GREB1: variants seen among roughly 807,000 people sequenced by gnomAD.
GREB1 encodes growth regulating estrogen receptor binding 1.
In GREB1, 106 loss-of-function variants were observed where a neutral mutation model predicts 200.7. The ratio of observed to expected loss-of-function variants is 0.53; its 90% CI spans 0.45 to 0.62. The LOEUF is 0.62. Among genes scored for constraint, GREB1 ranks in the 20% least tolerant of loss-of-function variants. The probability of loss-of-function intolerance (pLI) is 0.00; values close to 1 mark genes in which losing one functional copy is unlikely to be tolerated. For missense variants in GREB1, 2,243 were observed against 2,556.8 expected, an observed-to-expected ratio of 0.88 and a Z score of 2.65; for synonymous variants, 1,132 against 1,092.4, an observed-to-expected ratio of 1.04 and a Z score of -0.72.
At chr2:11,504,205 G>A (rs1046745758) in intron 1 of GREB1, among the ~76,000 whole-genome samples, 3 of 152,104 alleles carry the variant, frequency 2.0e-5, no homozygotes, top group Non-Finnish European at 4.4e-5. Flanking sequence ...GGACACTCTG[G>A]ACAAAGGAGA....
At chr2:11,581,535 A>C (rs1021927204) in intron 7 of GREB1, among the ~76,000 whole-genome samples, 3 of 152,166 alleles carry the variant, frequency 2.0e-5, no homozygotes, top group Non-Finnish European at 4.4e-5. Context: ...GGGTGAGTGA[A>C]GGGGCTGAGC....
At chr2:11,519,278 G>T (rs1389373994) in intron 1 of GREB1, among the ~76,000 whole-genome samples, 2 of 151,910 alleles carry the variant, frequency 1.3e-5, no homozygotes. Context: ...GGGCTATCTG[G>T]ATGTTACTGC....
intron 1 of GREB1, among the ~76,000 whole-genome samples, chr2:11,535,791 T>G (rs1674265089): frequency 6.7e-6 from 1 of 150,190 alleles, no homozygotes; most frequent in Admixed American, 6.7e-5. Flanking sequence ...CTTACATGAT[T>G]TGTTTTATCT....
Position 11,618,550 on chromosome 2 carries a change from C to T in GREB1, c.3675C>T (p.Ser1225=). The change falls in exon 22 of 33, where the codon TCC becomes TCT. Residue 1225 remains serine (S), a synonymous_variant. Transcript: ENST00000381486. ...CGTCGTGCTCCCAGCTGTCCTCCTC[C>T]TCGGGCTCATCCTCCTCATCCGTGG... is the stretch of plus-strand genomic sequence containing the variant. ...VTSSCSQLSS[S]SGSSSSSVAP... 6.2e-7 allele frequency: 1 copy of T among 1,612,762 alleles called. No homozygotes were observed. The highest frequency in any genetic ancestry group is 8.5e-7 in the Non-Finnish European group (1 of 1,179,814).
Position 11,602,460 on chromosome 2 carries a change from G to C in GREB1, c.2584G>C (p.Glu862Gln), listed in dbSNP as rs763771881. The change falls in exon 17 of 33, where the codon GAA (glutamate) becomes CAA (glutamine). Residue 862 changes from glutamate to glutamine, a missense_variant. Physicochemically the swap from Glu to Gln is conservative, Grantham distance 29 (BLOSUM62 2). Coordinates refer to ENST00000381486, the MANE Select transcript of GREB1 (RefSeq NM_014668.4). ...KKYFGLSEFI[E>Q]STLSGHSLPL... ...GTACTTCGGGCTGTCGGAGTTTATTGAATCCACCCTTTCAGGACACAGCCT... is the reference window on the plus strand; with the variant it reads ...GTACTTCGGGCTGTCGGAGTTTATTCAATCCACCCTTTCAGGACACAGCCT... The C allele has an allele frequency of 1.9e-6, 3 of 1,613,012 alleles. No homozygotes were observed. The East Asian group carries it at 6.7e-5, about 36-fold the overall frequency.
At chr2:11,542,670 A>T (rs12620490) in intron 1 of GREB1, 101,053 of 149,900 alleles carry the variant, frequency 0.67, 34,767 homozygotes, top group South Asian at 0.84. Flanking sequence ...TTGGCTTAAG[A>T]GTAAACTGAA....
At chr2:11,587,751 T>G (rs1207246330) in intron 9 of GREB1, 2 of 932,566 alleles carry the variant, frequency 2.1e-6, no homozygotes, top group Non-Finnish European at 2.6e-6. Flanking sequence ...ACGCCACCTT[T>G]GGGAGCTCAG....
At chr2:11,587,303 T>C in intron 9 of GREB1, 2 of 1,076,052 alleles carry the variant, frequency 1.9e-6, no homozygotes, top group South Asian at 1.3e-5. Flanking sequence ...CCCTTGTCAC[T>C]TCTCTGTCCC....
In GREB1 at chr2:11,602,549, G is replaced by T; in HGVS notation, c.2666+7G>T. On this transcript the variant is annotated splice_region_variant and intron_variant, in intron 17 of 32. Transcript: ENST00000381486. ...TCACTGCATTAGGAAAAAGGTACTT[G>T]TTTCTCTTCTAAGTTACTAGAAGTG... 6.2e-7 allele frequency: 1 copy of T among 1,613,276 alleles called. No homozygotes were observed. Among genetic ancestry groups the T allele is most frequent in the Non-Finnish European group, 8.5e-7 (1 of 1,179,248 alleles).
intron 32 of GREB1, among the ~76,000 whole-genome samples, chr2:11,639,825 T>G (rs1423472719): frequency 6.6e-6 from 1 of 151,860 alleles, no homozygotes; most frequent in Non-Finnish European, 1.5e-5. Flanking sequence ...GGAGACTGGG[T>G]TGAGGTGTCG....
chr2:11,555,036 A>G (rs758248653), intron 1 of GREB1, among the ~76,000 whole-genome samples: 11 of 152,246 alleles, frequency 7.2e-5, no homozygotes, highest in Non-Finnish European at 1.3e-4. Context: ...AACACTTCAT[A>G]CTAAACCTTG....
intron 1 of GREB1, among the ~76,000 whole-genome samples, chr2:11,551,746 G>T (rs542223562): frequency 6.6e-5 from 10 of 152,164 alleles, no homozygotes; most frequent in Non-Finnish European, 1.0e-4. Flanking sequence ...CACCGCCGCA[G>T]CCCGGGTTCG....
intron 4 of GREB1, among the ~76,000 whole-genome samples, chr2:11,572,431 C>T (rs1229846862): frequency 1.3e-5 from 2 of 152,206 alleles, no homozygotes; most frequent in East Asian, 1.9e-4. Flanking sequence ...TGCTATGAGC[C>T]AAGTGCTCAG....
chr2:11,607,428 ATG>A (rs201217755), intron 17 of GREB1, among the ~76,000 whole-genome samples: 35,562 of 104,530 alleles, frequency 0.34, 5,065 homozygotes, highest in Admixed American at 0.49. Context: ...CAGTATATGT[ATG>A]TGTGTGTGTG....
chr2:11,567,098 A>G (rs1677751328), intron 4 of GREB1, among the ~76,000 whole-genome samples: 1 of 152,046 alleles, frequency 6.6e-6, no homozygotes, highest in Non-Finnish European at 1.5e-5. Flanking sequence ...TCATCTCTCA[A>G]TACATGGTCT....
intron 1 of GREB1, among the ~76,000 whole-genome samples, chr2:11,510,928 C>T (rs1673332197): frequency 6.6e-6 from 1 of 152,176 alleles, no homozygotes; most frequent in African/African-American, 2.4e-5. Context: ...CTATCTCTGC[C>T]TCCCAGAGTG....
Position 11,552,741 on chromosome 2 carries a change from G to A in GREB1, c.-161-3713G>A, listed in dbSNP as rs576579914. On this transcript the variant is annotated intron_variant, in intron 1 of 32. Coordinates refer to ENST00000381486, the MANE Select transcript of GREB1 (RefSeq NM_014668.4). ...AAAGAGCCGCAGTTGGCCGGGCGCGGTGGCTCACGCCTGTAATCCCAGCAC... is the reference window on the plus strand; with the variant it reads ...AAAGAGCCGCAGTTGGCCGGGCGCGATGGCTCACGCCTGTAATCCCAGCAC... 6.8e-4 allele frequency among the ~76,000 whole-genome samples: 104 copies of A among 152,104 alleles called. 1 individual carries two copies. Among genetic ancestry groups the A allele is most frequent in the Non-Finnish European group, 1.2e-3 (83 of 67,990 alleles).
intron 1 of GREB1, among the ~76,000 whole-genome samples, chr2:11,517,938 G>A (rs188133802): frequency 1.1e-3 from 171 of 152,304 alleles, no homozygotes; most frequent in African/African-American, 3.8e-3. Flanking sequence ...TAACAGTGAA[G>A]CATCTTTAAC....
At chr2:11,586,091 T>G (rs1441875460) in intron 9 of GREB1, among the ~76,000 whole-genome samples, 186 bp downstream of exon 9, 1 of 152,204 alleles carries the variant, frequency 6.6e-6, no homozygotes, top group Non-Finnish European at 1.5e-5. Context: ...CCTGATCAGA[T>G]GCCAAGAATG....
Sources: allele counts gnomAD v4.1 joint callset (sites outside exome capture counted in the v4.1 genomes callset), GRCh38; gene constraint gnomAD v4.1.1; transcripts MANE v1.5; gene names NCBI Gene and HGNC (gene_info 2026-07-23, HGNC 2026-07-21).